Variants in CLASP1 observed in about 807,000 individuals in gnomAD.
CLASP1 encodes CLIP-associating protein 1.
A neutral mutation model predicts 192.3 loss-of-function variants in CLASP1; 38 were observed. The ratio of observed to expected loss-of-function variants is 0.20; its 90% CI spans 0.15 to 0.26. The LOEUF is 0.26. Ranked by LOEUF, CLASP1 falls within the 10% of genes least tolerant of loss-of-function variation. The pLI is 1.00. For synonymous variants in CLASP1, 691 were observed against 712.8 expected, an observed-to-expected ratio of 0.97 and a Z score of 0.49; for missense variants, 1,433 against 1,932.5, an observed-to-expected ratio of 0.74 and a Z score of 4.85.
At chr2:121,430,134 G>A (rs1238310599) in exon 20 of CLASP1, 7 of 1,577,962 alleles carry the variant, frequency 4.4e-6, no homozygotes, top group South Asian at 1.2e-5. Flanking sequence ...TAGAGGCGAC[G>A]TTGGTGGCAC....
chr2:121,577,832 T>C (rs2060676373), intron 2 of CLASP1, among the ~76,000 whole-genome samples: 1 of 152,122 alleles, frequency 6.6e-6, no homozygotes, highest in African/African-American at 2.4e-5. Flanking sequence ...CCTAGCACTT[T>C]GGGAGCCCAA....
chr2:121,537,257 T>C (rs1213401729), intron 2 of CLASP1, among the ~76,000 whole-genome samples: 1 of 151,912 alleles, frequency 6.6e-6, no homozygotes, highest in African/African-American at 2.4e-5. Flanking sequence ...CCAGGCCTGG[T>C]GGCACAAGCC....
At chr2:121,461,298 T>G (rs2087884653) in intron 10 of CLASP1, 105 bp from the exon 11 acceptor site, 1 of 655,402 alleles carries the variant, frequency 1.5e-6, no homozygotes, top group Middle Eastern at 3.6e-4. Context: ...AAAGAAATTA[T>G]TTTTTTAAGA....
chr2:121,461,251 T>G (rs2087870348), intron 10 of CLASP1, 58 bp from the exon 11 acceptor site: 3 of 929,312 alleles, frequency 3.2e-6, no homozygotes, highest in Admixed American at 5.8e-5. Context: ...ACAGATTATT[T>G]CTTAATTACA....
rs181469353 is a variant in CLASP1, at chr2:121,399,566, T to A, written c.2901-1166A>T. On this transcript the variant is annotated intron_variant, in intron 28 of 39. Coordinates refer to ENST00000263710, the Ensembl canonical transcript of CLASP1. ...TAAACTGAGAAGCAATTCTCAGCCA[T>A]CACTAAAACCTCCTATTAGCAGTCG... Among the ~76,000 whole-genome samples, 328 of 152,300 alleles carry A rather than the reference T, an allele frequency of 2.2e-3. 1 individual carries two copies. The highest frequency in any genetic ancestry group is 7.4e-3 in the African/African-American group (309 of 41,572).
chr2:121,627,806 A>T (rs2068667175), intron 1 of CLASP1, among the ~76,000 whole-genome samples: 1 of 152,254 alleles, frequency 6.6e-6, no homozygotes, highest in Admixed American at 6.5e-5. Flanking sequence ...TTGACAATTT[A>T]GATCTTATTA....
intron 1 of CLASP1, among the ~76,000 whole-genome samples, chr2:121,635,795 CTA>C (rs1394263914): frequency 1.3e-5 from 2 of 152,270 alleles, no homozygotes; most frequent in Non-Finnish European, 2.9e-5. Flanking sequence ...ATTTTTGAGA[CTA>C]AGAGCATTTG....
intron 19 of CLASP1, among the ~76,000 whole-genome samples, chr2:121,443,124 C>T (rs2149742279): frequency 6.6e-6 from 1 of 152,262 alleles, no homozygotes; most frequent in South Asian, 2.1e-4. Context: ...AACACTGACA[C>T]TCCCTATGCT....
chr2:121,570,566 G>A (rs987701376), intron 2 of CLASP1, among the ~76,000 whole-genome samples: 5 of 152,178 alleles, frequency 3.3e-5, no homozygotes, highest in African/African-American at 1.2e-4. Flanking sequence ...CTCTCTCACA[G>A]CAAGCATGTA....
chr2:121,482,756 G>C lies in CLASP1; in HGVS notation c.713-12796C>G, dbSNP rs1415473774. On this transcript the variant is annotated intron_variant, in intron 8 of 39. Transcript: ENST00000263710. ...GACACTCACACTGAAACATCCACAG[G>C]AACTCAATTCTCCATAGAAACGTCC... Among the ~76,000 whole-genome samples, 8 of 152,246 alleles carry C rather than the reference G, an allele frequency of 5.3e-5. No individual in the cohort carries two copies. In the East Asian group the frequency reaches 1.5e-3, roughly 29 times the overall value.
At chr2:121,611,277 G>A in intron 1 of CLASP1, among the ~76,000 whole-genome samples, 1 of 139,828 alleles carries the variant, frequency 7.2e-6, no homozygotes, top group Non-Finnish European at 1.6e-5. Context: ...AAGAGGAACT[G>A]GAGGAGGAGG....
intron 7 of CLASP1, among the ~76,000 whole-genome samples, chr2:121,504,241 AAAAAG>A (rs2093865961): frequency 6.6e-6 from 1 of 152,148 alleles, no homozygotes; most frequent in Admixed American, 6.5e-5. Flanking sequence ...TCAAAAAAAA[AAAAAG>A]AAAGAAAAAA....
chr2:121,457,454 GACATAC>G (rs1001787444), intron 14 of CLASP1, among the ~76,000 whole-genome samples: 1 of 131,728 alleles, frequency 7.6e-6, no homozygotes, highest in African/African-American at 3.6e-5. Flanking sequence ...CTCTCACACA[GACATAC>G]ACACACACAC....
intron 2 of CLASP1, among the ~76,000 whole-genome samples, chr2:121,586,211 T>C (rs1254294948): frequency 6.6e-6 from 1 of 152,132 alleles, no homozygotes; most frequent in Admixed American, 6.5e-5. Context: ...CACTGCAACC[T>C]CAGCCTCCCA....
At chr2:121,426,498 C>T (rs1309395930) in intron 21 of CLASP1, among the ~76,000 whole-genome samples, 3 of 152,134 alleles carry the variant, frequency 2.0e-5, no homozygotes, top group Non-Finnish European at 2.9e-5. Flanking sequence ...ACAGAGCAGT[C>T]AAAATTGTGT....
intron 2 of CLASP1, among the ~76,000 whole-genome samples, chr2:121,573,578 T>C (rs1046129370): frequency 2.0e-5 from 3 of 152,210 alleles, no homozygotes; most frequent in African/African-American, 2.4e-5. Flanking sequence ...ACTTCAAATC[T>C]GAAATGTTGA....
chr2:121,451,094 A>G, intron 15 of CLASP1, 104 bp from the exon 16 acceptor site: 1 of 807,506 alleles, frequency 1.2e-6, no homozygotes, highest in Non-Finnish European at 2.1e-6. Flanking sequence ...TGGAGCTGGG[A>G]GCCTCTGTGC....
At chr2:121,528,946 T>C (rs2094660722) in intron 3 of CLASP1, among the ~76,000 whole-genome samples, 166 bp from the exon 4 acceptor site, 1 of 152,204 alleles carries the variant, frequency 6.6e-6, no homozygotes, top group Non-Finnish European at 1.5e-5. Flanking sequence ...CTTGCTGAAG[T>C]CCATGAAAGT....
chr2:121,377,914 C>A (rs1405559259), intron 33 of CLASP1, among the ~76,000 whole-genome samples: 2 of 152,130 alleles, frequency 1.3e-5, no homozygotes, highest in East Asian at 3.9e-4. Context: ...AATGCAGGAA[C>A]TCAAAGAGTG....
Sources: gnomAD v4.1 joint callset for allele counts (sites outside exome capture counted in the v4.1 genomes callset) on GRCh38, gnomAD v4.1.1 for gene constraint, MANE v1.5 for transcripts, NCBI Gene and HGNC (gene_info 2026-07-23, HGNC 2026-07-21) for gene names.